The following APOBEC1 variants were observed in gnomAD, a reference collection of about 807,000 sequenced individuals.
The protein encoded by APOBEC1 is C->U-editing enzyme APOBEC-1.
A neutral mutation model predicts 26.3 loss-of-function variants in APOBEC1; 22 were observed. The observed-to-expected ratio is 0.84, with a 90% CI of 0.60 to 1.19. APOBEC1 has a LOEUF of 1.19. APOBEC1 is among the 50% of genes most tolerant of loss of function. The probability of loss-of-function intolerance (pLI) is 0.00; values close to 1 mark genes in which losing one functional copy is unlikely to be tolerated. For missense variants in APOBEC1, 253 were observed against 289.0 expected (o/e 0.88, Z 0.90); for synonymous variants, 77 against 95.3 (o/e 0.81, Z 1.12).
Position 7,652,746 on chromosome 12 carries a change from C to T in APOBEC1, c.134G>A (p.Gly45Asp), listed in dbSNP as rs1411394413. 6.2e-7 allele frequency: 1 copy of T among 1,614,028 alleles called. No individual in the cohort carries two copies. Among genetic ancestry groups the T allele is most frequent in the Non-Finnish European group, 8.5e-7 (1 of 1,180,020 alleles). ...GCTTCGCCAGATCTTCCGGCTCATG[C>T]CCCACTTGATTTCGTAGAGCAGACA... is the stretch of plus-strand genomic sequence containing the variant. ...EACLLYEIKWGMSRKIWRSSG... is the reference protein window; with the variant it reads ...EACLLYEIKWDMSRKIWRSSG... The change falls in exon 3 of 5, where the codon GGC (glycine) becomes GAC (aspartate). Residue 45 changes from glycine to aspartate, a missense_variant. Transcript: ENST00000229304.
chr12:7,665,892 T>C lies in APOBEC1; in HGVS notation c.-20A>G. On this transcript the variant is annotated 5_prime_UTR_variant, in exon 1 of 5. Transcript: ENST00000229304. ...AGTCATGGTGCTCTGTCTCTGGACT[T>C]CCTCCTCTGGAGTCATAAGTTGTGC... is the stretch of plus-strand genomic sequence containing the variant. The C allele has an allele frequency of 6.2e-7, 1 of 1,613,800 alleles. No homozygotes were observed. Among genetic ancestry groups the C allele is most frequent in the East Asian group, 2.2e-5 (1 of 44,860 alleles).
At chr12:7,663,556 G>T (rs374169606) in intron 1 of APOBEC1, among the ~76,000 whole-genome samples, 1 of 152,100 alleles carries the variant, frequency 6.6e-6, no homozygotes, top group African/African-American at 2.4e-5. Context: ...TCTACTCCGA[G>T]GGAGCCTTAC....
At chr12:7,660,835 A>G (rs1002719659) in intron 1 of APOBEC1, among the ~76,000 whole-genome samples, 1 of 151,910 alleles carries the variant, frequency 6.6e-6, no homozygotes, top group Non-Finnish European at 1.5e-5. Context: ...ACACAGAAAC[A>G]GAAAACCAAA....
intron 3 of APOBEC1, 107 bp from the exon 4 acceptor site, chr12:7,651,248 T>C: frequency 1.3e-6 from 1 of 766,878 alleles, no homozygotes; most frequent in Non-Finnish European, 2.3e-6. Flanking sequence ...TCTAGTCTAG[T>C]TGCTGCTGGA....
At chr12:7,650,280 G>A (rs934561258) in intron 4 of APOBEC1, among the ~76,000 whole-genome samples, 2 of 152,174 alleles carry the variant, frequency 1.3e-5, no homozygotes. Context: ...ACACACGCCT[G>A]TAGTTCTAGC....
At chr12:7,662,136 G>A (rs1863828676) in intron 1 of APOBEC1, among the ~76,000 whole-genome samples, 1 of 152,080 alleles carries the variant, frequency 6.6e-6, no homozygotes, top group Non-Finnish European at 1.5e-5. Flanking sequence ...ATGGTGGTGT[G>A]CACCAGTAGT....
chr12:7,666,031 CAG>C (rs1212344137), upstream of APOBEC1: 25 of 776,596 alleles, frequency 3.2e-5, no homozygotes, highest in African/African-American at 6.8e-5. Context: ...TCTGTACAAA[CAG>C]GGGGCCGACT....
intron 1 of APOBEC1, among the ~76,000 whole-genome samples, chr12:7,660,375 G>GGAAGGACAGAAAGAAAGAAAGAAAGAAA (rs61183510): frequency 4.2e-5 from 1 of 23,950 alleles, no homozygotes; most frequent in African/African-American, 1.3e-4. Flanking sequence ...AAGGAAGGAA[G>GGAAGGACAGAAAGAAAGAAAGAAAGAAA]GAAAGAAAGA....
chr12:7,657,871 G>T (rs1226126964), intron 1 of APOBEC1, among the ~76,000 whole-genome samples: 1 of 151,644 alleles, frequency 6.6e-6, no homozygotes, highest in African/African-American at 2.4e-5. Context: ...GACAGACCCT[G>T]TCTCAAAAAA....
At chr12:7,662,736 G>A (rs897685748) in intron 1 of APOBEC1, among the ~76,000 whole-genome samples, 1 of 152,200 alleles carries the variant, frequency 6.6e-6, no homozygotes, top group African/African-American at 2.4e-5. Context: ...AGCAAGACAT[G>A]TGGACGTCGG....
intron 1 of APOBEC1, among the ~76,000 whole-genome samples, chr12:7,657,085 T>C (rs1413782245): frequency 6.7e-6 from 1 of 149,958 alleles, no homozygotes; most frequent in African/African-American, 2.5e-5. Context: ...TGTGTGTAAA[T>C]AGCTATTTAA....
chr12:7,669,785 A>T (rs760252372), upstream of APOBEC1, among the ~76,000 whole-genome samples: 1 of 152,098 alleles, frequency 6.6e-6, no homozygotes, highest in Non-Finnish European at 1.5e-5. Flanking sequence ...CCCAATTGTT[A>T]TACAACCTCA....
chr12:7,657,996 C>T (rs1863739473), intron 1 of APOBEC1, among the ~76,000 whole-genome samples: 1 of 152,078 alleles, frequency 6.6e-6, no homozygotes, highest in Non-Finnish European at 1.5e-5. Flanking sequence ...TCAAAAGTCC[C>T]TAATTTCTTC....
At chr12:7,653,567 C>A (rs1261868912) in intron 2 of APOBEC1, among the ~76,000 whole-genome samples, 1 of 147,436 alleles carries the variant, frequency 6.8e-6, no homozygotes, top group Non-Finnish European at 1.5e-5. Flanking sequence ...ACTCAAGCTA[C>A]TCTCCTGCCT....
intron 1 of APOBEC1, among the ~76,000 whole-genome samples, chr12:7,660,334 GGGAA>G (rs756648758): frequency 0.078 from 2,793 of 35,718 alleles, 269 homozygotes; most frequent in East Asian, 0.4. Flanking sequence ...AAGGAAGGAA[GGGAA>G]GGAAGGAAGG....
intron 1 of APOBEC1, among the ~76,000 whole-genome samples, chr12:7,659,576 A>G (rs1863775277): frequency 6.6e-6 from 1 of 152,014 alleles, no homozygotes; most frequent in Non-Finnish European, 1.5e-5. Context: ...GTAAGGATGC[A>G]GAGAAACTGA....
At chr12:7,650,783 G>T (rs950004442) in intron 4 of APOBEC1, among the ~76,000 whole-genome samples, 1 of 152,160 alleles carries the variant, frequency 6.6e-6, no homozygotes, top group Admixed American at 6.5e-5. Context: ...GAGCATATTG[G>T]CGTGATCATA....
At chr12:7,654,749 T>C in intron 1 of APOBEC1, 117 bp from the exon 2 acceptor site, 2 of 1,010,078 alleles carry the variant, frequency 2.0e-6, no homozygotes, top group South Asian at 2.7e-5. Context: ...ATTTGAAGAT[T>C]CTCTCATGGA....
At chr12:7,658,315 C>T (rs1046949028) in intron 1 of APOBEC1, among the ~76,000 whole-genome samples, 1 of 152,314 alleles carries the variant, frequency 6.6e-6, no homozygotes, top group Admixed American at 6.5e-5. Context: ...CTGCCCCTCT[C>T]AGCATCTCAA....
Sources: allele counts gnomAD v4.1 joint callset (sites outside exome capture counted in the v4.1 genomes callset), GRCh38; gene constraint gnomAD v4.1.1; transcripts MANE v1.5; gene names NCBI Gene and HGNC (gene_info 2026-07-23, HGNC 2026-07-21).